The following EXOC4 variants were observed in gnomAD, a reference collection of about 807,000 sequenced individuals.
EXOC4 encodes the protein exocyst complex component 4.
A neutral mutation model predicts 107.2 loss-of-function variants in EXOC4; 71 were observed. The observed-to-expected ratio is 0.66, with a 90% CI of 0.55 to 0.81. EXOC4 has a LOEUF of 0.81. Ranked by LOEUF, EXOC4 falls within the 30% of genes least tolerant of loss-of-function variation. The pLI is 0.00. For synonymous variants in EXOC4, 456 were observed against 441.2 expected (o/e 1.03, Z -0.42); for missense variants, 1,108 against 1,189.6 (o/e 0.93, Z 1.01).
At chr7:133,465,776 A>C (rs1218877558) in intron 7 of EXOC4, among the ~76,000 whole-genome samples, 1 of 152,230 alleles carries the variant, frequency 6.6e-6, no homozygotes, top group East Asian at 1.9e-4. Context: ...CAAACTTCTG[A>C]ATATACCATG....
chr7:133,895,498 A>G, intron 11 of EXOC4, 101 bp from the exon 12 acceptor site: 1 of 1,182,656 alleles, frequency 8.5e-7, no homozygotes, highest in Non-Finnish European at 1.2e-6. Context: ...CTTGCAGGAG[A>G]GCTCAGGTAC....
At chr7:133,576,420 A>G (rs1453827886) in intron 9 of EXOC4, 3 of 1,090,624 alleles carry the variant, frequency 2.8e-6, no homozygotes, top group East Asian at 1.2e-4. Flanking sequence ...TCAAATTAGC[A>G]TTATGTAGTA....
intron 10 of EXOC4, among the ~76,000 whole-genome samples, chr7:133,807,349 G>T (rs545931854): frequency 6.6e-6 from 1 of 152,174 alleles, no homozygotes; most frequent in Non-Finnish European, 1.5e-5. Flanking sequence ...CTTTGATCAG[G>T]ACGTGGTAAG....
At chr7:133,417,362 CAG>C (rs1584900555) in intron 7 of EXOC4, among the ~76,000 whole-genome samples, 1 of 152,228 alleles carries the variant, frequency 6.6e-6, no homozygotes, top group Non-Finnish European at 1.5e-5. Flanking sequence ...GGGAAGGATT[CAG>C]AGAGAGGCTA....
chr7:133,354,512 C>G lies in EXOC4; in HGVS notation c.764-1818C>G, dbSNP rs150637135. Among the ~76,000 whole-genome samples the G allele has an allele frequency of 5.1e-4, 77 of 152,104 alleles. 2 individuals carry two copies. The East Asian group carries it at 0.014, about 27-fold the overall frequency. Reference sequence around the variant, plus strand: ...TAATGTTTGGCTTTAAAACGGGGAGCAAGAGAAAAATAAAGGCAGTAGGGG... The same window carrying G: ...TAATGTTTGGCTTTAAAACGGGGAGGAAGAGAAAAATAAAGGCAGTAGGGG... On this transcript the variant is annotated intron_variant, in intron 5 of 17. Coordinates refer to ENST00000253861, the MANE Select transcript of EXOC4 (RefSeq NM_021807.4).
chr7:133,910,128 G>T (rs1419713215), intron 12 of EXOC4, among the ~76,000 whole-genome samples: 2 of 152,062 alleles, frequency 1.3e-5, no homozygotes, highest in African/African-American at 4.8e-5. Context: ...CGCCATGTTG[G>T]CCAGGCTGGT....
chr7:133,707,035 T>C (rs911803437), intron 10 of EXOC4, among the ~76,000 whole-genome samples: 2 of 152,170 alleles, frequency 1.3e-5, no homozygotes, highest in Admixed American at 1.3e-4. Flanking sequence ...ACCAGAGCTC[T>C]TGTAAGACAT....
intron 5 of EXOC4, among the ~76,000 whole-genome samples, chr7:133,339,893 T>C (rs146495889): frequency 1.3e-5 from 2 of 152,332 alleles, no homozygotes; most frequent in African/African-American, 4.8e-5. Context: ...TTATCAGATA[T>C]AGGAGCTTTT....
chr7:134,052,196 A>T (rs1795811462), intron 17 of EXOC4, among the ~76,000 whole-genome samples: 1 of 152,176 alleles, frequency 6.6e-6, no homozygotes, highest in African/African-American at 2.4e-5. Context: ...AAAGGAGAAA[A>T]GACACGAGGG....
At chr7:133,900,056 T>A (rs1249662483) in intron 12 of EXOC4, among the ~76,000 whole-genome samples, 4 of 152,154 alleles carry the variant, frequency 2.6e-5, no homozygotes, top group African/African-American at 9.7e-5. Context: ...GCACCATCAC[T>A]TTCCTTGTTC....
chr7:133,462,410 T>G (rs1422599975), intron 7 of EXOC4, among the ~76,000 whole-genome samples: 1 of 152,192 alleles, frequency 6.6e-6, no homozygotes, highest in Non-Finnish European at 1.5e-5. Context: ...CACATAGTTG[T>G]CATCGTAAGA....
At chr7:133,309,916 G>C (rs1794833942) in intron 4 of EXOC4, among the ~76,000 whole-genome samples, 1 of 152,058 alleles carries the variant, frequency 6.6e-6, no homozygotes, top group Non-Finnish European at 1.5e-5. Context: ...TTCCAGCCTG[G>C]GTGACAGAAC....
At chr7:133,757,219 A>G (rs917103306) in intron 10 of EXOC4, among the ~76,000 whole-genome samples, 1 of 152,182 alleles carries the variant, frequency 6.6e-6, no homozygotes, top group Non-Finnish European at 1.5e-5. Flanking sequence ...TATAGTGGGG[A>G]AATAATATAA....
chr7:133,483,885 A>G (rs927670821), intron 9 of EXOC4, among the ~76,000 whole-genome samples: 1 of 152,166 alleles, frequency 6.6e-6, no homozygotes. Context: ...TGAGATCTGC[A>G]TTTCAGCTTG....
intron 5 of EXOC4, among the ~76,000 whole-genome samples, chr7:133,350,823 A>G (rs894638645): frequency 6.6e-6 from 1 of 152,026 alleles, no homozygotes; most frequent in Non-Finnish European, 1.5e-5. Context: ...GTCCGTGCAC[A>G]TGGGATGCGT....
chr7:134,034,873 A>G (rs1039522270), intron 17 of EXOC4, among the ~76,000 whole-genome samples: 1 of 152,186 alleles, frequency 6.6e-6, no homozygotes, highest in African/African-American at 2.4e-5. Flanking sequence ...GTGAATCATC[A>G]TGCAAACAAA....
At chr7:133,941,017 C>CT (rs562329236) in intron 14 of EXOC4, among the ~76,000 whole-genome samples, 2 of 150,592 alleles carry the variant, frequency 1.3e-5, no homozygotes, top group East Asian at 3.9e-4. Flanking sequence ...TATTTTCTTT[C>CT]TTTTTTTCTT....
intron 17 of EXOC4, among the ~76,000 whole-genome samples, chr7:134,049,342 C>A (rs1049597962): frequency 5.9e-5 from 9 of 152,150 alleles, no homozygotes; most frequent in African/African-American, 2.2e-4. Flanking sequence ...CTTAGCATGG[C>A]CCACAGGTCT....
chr7:133,474,740 C>T (rs570494676), intron 7 of EXOC4, among the ~76,000 whole-genome samples: 1 of 151,976 alleles, frequency 6.6e-6, no homozygotes, highest in Non-Finnish European at 1.5e-5. Flanking sequence ...TCTCTTTTTG[C>T]AGGTTTGTTT....
Sources: allele counts gnomAD v4.1 joint callset (sites outside exome capture counted in the v4.1 genomes callset), GRCh38; gene constraint gnomAD v4.1.1; transcripts MANE v1.5; gene names NCBI Gene and HGNC (gene_info 2026-07-23, HGNC 2026-07-21).